HEPACAM2: variants seen among roughly 807,000 people sequenced by gnomAD.
HEPACAM2 encodes mitotic kinetics regulator.
Under a neutral mutation model 49.6 loss-of-function variants are expected in HEPACAM2, and 49 were observed. That is an observed-to-expected ratio of 0.99 (90% CI 0.78 to 1.25). The LOEUF (loss-of-function observed/expected upper bound fraction) is 1.25, where lower values mean the gene tolerates loss of function less well. HEPACAM2 is among the 50% of genes most tolerant of loss of function. The pLI is 0.00. For synonymous variants in HEPACAM2, 197 were observed against 202.9 expected (o/e 0.97, Z 0.25); for missense variants, 525 against 557.2 (o/e 0.94, Z 0.58).
chr7:93,215,703 A>G lies in HEPACAM2; in HGVS notation c.431-18T>C. 1 of 1,599,260 alleles carries G rather than the reference A, an allele frequency of 6.3e-7. No homozygotes were observed. The highest frequency in any genetic ancestry group is 8.5e-7 in the Non-Finnish European group (1 of 1,170,678). ...GACAGGATCTGCAATATTAAGAGAG[A>G]TATGAATGATTTTTTCTTTTCATGG... On this transcript the variant is annotated intron_variant, in intron 2 of 9. Coordinates refer to ENST00000394468, the MANE Select transcript of HEPACAM2 (RefSeq NM_001039372.4).
chr7:93,227,462 G>C (rs555071449), upstream of HEPACAM2, among the ~76,000 whole-genome samples: 1 of 152,134 alleles, frequency 6.6e-6, no homozygotes, highest in East Asian at 1.9e-4. Context: ...ATGATAAGAG[G>C]GGAAGGAAGA....
At chr7:93,199,333 T>C (rs1368082987) in intron 4 of HEPACAM2, among the ~76,000 whole-genome samples, 3 of 152,122 alleles carry the variant, frequency 2.0e-5, no homozygotes, top group Admixed American at 6.6e-5. Context: ...TAGAACATCA[T>C]GAAGCTTTTT....
intron 2 of HEPACAM2, among the ~76,000 whole-genome samples, chr7:93,218,175 G>C (rs781043802): frequency 1.3e-5 from 2 of 152,048 alleles, no homozygotes; most frequent in Non-Finnish European, 2.9e-5. Context: ...TCAGATAGGC[G>C]CTGGGTATGT....
chr7:93,226,507 G>A (rs77036910), upstream of HEPACAM2: 17 of 1,294,152 alleles, frequency 1.3e-5, no homozygotes, highest in South Asian at 2.0e-4. Flanking sequence ...TATTTGCTAG[G>A]GAAATTAGCA....
intron 1 of HEPACAM2, among the ~76,000 whole-genome samples, chr7:93,225,176 A>G (rs531982395): frequency 2.6e-5 from 4 of 152,302 alleles, no homozygotes; most frequent in African/African-American, 9.6e-5. Context: ...TACTGTTTTA[A>G]ATATAAAAAT....
At chr7:93,228,533 A>G (rs921402671), upstream of HEPACAM2, among the ~76,000 whole-genome samples, 2 of 150,608 alleles carry the variant, frequency 1.3e-5, no homozygotes, top group African/African-American at 5.0e-5. Context: ...TAACTTCAAC[A>G]ATTGTTAATT....
chr7:93,204,480 G>C (rs1336256861), intron 4 of HEPACAM2, among the ~76,000 whole-genome samples: 1 of 151,974 alleles, frequency 6.6e-6, no homozygotes, highest in Non-Finnish European at 1.5e-5. Context: ...CGTAATTAAG[G>C]TAATAAAATC....
At chr7:93,192,854 C>T (rs1353728913) in intron 8 of HEPACAM2, among the ~76,000 whole-genome samples, 2 of 151,978 alleles carry the variant, frequency 1.3e-5, no homozygotes, top group African/African-American at 4.8e-5. Context: ...GAATGTGGAA[C>T]ACTCAAAGGA....
intron 4 of HEPACAM2, 65 bp downstream of exon 4, chr7:93,208,515 G>A (rs1794086264): frequency 2.2e-6 from 3 of 1,337,756 alleles, no homozygotes; most frequent in South Asian, 2.7e-5. Flanking sequence ...TATAAGATAG[G>A]GGAAGTGCAA....
At position 93,197,530 on chromosome 7, in the gene HEPACAM2, A is replaced by G; in HGVS notation, c.1093T>C (p.Ser365Pro). The G allele has an allele frequency of 6.3e-7, 1 of 1,596,536 alleles. No homozygotes were observed. Among genetic ancestry groups the G allele is most frequent in the East Asian group, 2.2e-5 (1 of 44,560 alleles). Residue 365 changes from serine to proline, a missense_variant, in exon 5 of 10, where the codon TCC becomes CCC. Ser to Pro is a moderately conservative substitution (Grantham distance 74). Coordinates refer to ENST00000394468, the MANE Select transcript of HEPACAM2 (RefSeq NM_001039372.4). ...ITGISLFLII[S>P]MCLLFLWKKY... ...TTCCATAGGAAGAGAAGACACATGG[A>G]TATAATCAAAAATAGTGATATTCCA...
At position 93,215,485 on chromosome 7, in the gene HEPACAM2, T is replaced by C. The variant is rs1294353428; in HGVS notation, c.631A>G (p.Lys211Glu). The C allele has an allele frequency of 4.3e-6, 7 of 1,613,904 alleles. No homozygotes were observed. The East Asian group carries it at 1.3e-4, about 31-fold the overall frequency. ...NNTLHIAPVT[K>E]EDIGNYSCLV... ...CAGCTGTAATTCCCAATGTCTTCCT[T>C]GGTTACTGGAGCAATATGAAGGGTA... The change falls in exon 3 of 10, where the codon AAG (lysine) becomes GAG (glutamate). Residue 211 changes from lysine to glutamate, a missense_variant. By Grantham distance (56) the Lys-to-Glu change is moderately conservative. Transcript: ENST00000394468.
chr7:93,217,497 A>G (rs1794332841), intron 2 of HEPACAM2, among the ~76,000 whole-genome samples: 1 of 152,144 alleles, frequency 6.6e-6, no homozygotes, highest in African/African-American at 2.4e-5. Context: ...CATATAGGAA[A>G]TCTTCATGGA....
chr7:93,207,870 A>G (rs1794069347), intron 4 of HEPACAM2, among the ~76,000 whole-genome samples: 1 of 152,022 alleles, frequency 6.6e-6, no homozygotes. Flanking sequence ...ACATGAAGAC[A>G]TGGAAATGAA....
chr7:93,216,608 T>A (rs1310486146), intron 2 of HEPACAM2, among the ~76,000 whole-genome samples: 2 of 152,226 alleles, frequency 1.3e-5, no homozygotes, highest in Admixed American at 1.3e-4. Flanking sequence ...CTTTAATCAT[T>A]GAAGTTCTTG....
intron 8 of HEPACAM2, among the ~76,000 whole-genome samples, chr7:93,194,867 G>A (rs1793646948): frequency 6.8e-6 from 1 of 147,230 alleles, no homozygotes; most frequent in African/African-American, 2.5e-5. Flanking sequence ...AATCTGATTT[G>A]CTCACAGAAA....
rs1794358902 is a variant in HEPACAM2 at position 93,218,222 on chromosome 7, C to T, written c.430+879G>A. 2.0e-5 allele frequency among the ~76,000 whole-genome samples: 3 copies of T among 151,938 alleles called. No individual in the cohort carries two copies. In the South Asian group the frequency reaches 6.2e-4, roughly 32 times the overall value. Reference sequence around the variant, plus strand: ...GATTGTTAATAATTTGACTTTTACTCTGAGTGAGATAGAAGCAATGGGAGG... The same window carrying T: ...GATTGTTAATAATTTGACTTTTACTTTGAGTGAGATAGAAGCAATGGGAGG... On this transcript the variant is annotated intron_variant, in intron 2 of 9. Coordinates refer to ENST00000394468, the MANE Select transcript of HEPACAM2 (RefSeq NM_001039372.4).
intron 1 of HEPACAM2, among the ~76,000 whole-genome samples, chr7:93,221,838 C>A (rs777328314): frequency 6.6e-6 from 1 of 152,110 alleles, no homozygotes; most frequent in Non-Finnish European, 1.5e-5. Context: ...AATGGACCTA[C>A]TTGCACACTT....
At chr7:93,200,694 T>G (rs746496548) in intron 4 of HEPACAM2, among the ~76,000 whole-genome samples, 1 of 152,126 alleles carries the variant, frequency 6.6e-6, no homozygotes, top group Non-Finnish European at 1.5e-5. Context: ...GTTCAAAAAC[T>G]AACATCACAA....
chr7:93,208,399 G>C (rs1794083115), intron 4 of HEPACAM2, among the ~76,000 whole-genome samples, 181 bp downstream of exon 4: 1 of 151,804 alleles, frequency 6.6e-6, no homozygotes, highest in South Asian at 2.1e-4. Flanking sequence ...ATTTCATTTT[G>C]AATTTTTTTT....
Sources: gnomAD v4.1 joint callset for allele counts (sites outside exome capture counted in the v4.1 genomes callset) on GRCh38, gnomAD v4.1.1 for gene constraint, MANE v1.5 for transcripts, NCBI Gene and HGNC (gene_info 2026-07-23, HGNC 2026-07-21) for gene names.